Variants in CRACR2A observed in about 807,000 individuals in gnomAD.
The protein encoded by CRACR2A is EF-hand calcium-binding domain-containing protein 4B.
A neutral mutation model predicts 90.5 loss-of-function variants in CRACR2A; 79 were observed. The ratio of observed to expected loss-of-function variants is 0.87; its 90% CI spans 0.73 to 1.05. The LOEUF (loss-of-function observed/expected upper bound fraction) is 1.05. Among genes scored for constraint, CRACR2A ranks in the 50% least tolerant of loss-of-function variants. The probability of loss-of-function intolerance (pLI) is 0.00; values close to 1 mark genes in which losing one functional copy is unlikely to be tolerated. For missense variants in CRACR2A, 823 were observed against 897.2 expected, an observed-to-expected ratio of 0.92 and a Z score of 1.06; for synonymous variants, 338 against 356.7, an observed-to-expected ratio of 0.95 and a Z score of 0.59.
At chr12:3,671,041 C>T (rs902322123) in intron 7 of CRACR2A, among the ~76,000 whole-genome samples, 2 of 152,178 alleles carry the variant, frequency 1.3e-5, no homozygotes, top group Admixed American at 6.5e-5. Context: ...ATCTCAACAA[C>T]GTTTCGAGCA....
intron 2 of CRACR2A, among the ~76,000 whole-genome samples, chr12:3,719,412 G>C (rs530916955): frequency 2.0e-5 from 3 of 152,274 alleles, no homozygotes; most frequent in African/African-American, 7.2e-5. Flanking sequence ...CTAATGGTGT[G>C]CAGAGATAGG....
At position 3,644,129 on chromosome 12, in the gene CRACR2A, C is replaced by A. The variant is rs559152519; in HGVS notation, c.1164+466G>T. 2.1e-5 allele frequency among the ~76,000 whole-genome samples: 3 copies of A among 146,080 alleles called. No homozygotes were observed. The South Asian group carries it at 6.5e-4, about 32-fold the overall frequency. On this transcript the variant is annotated intron_variant, in intron 12 of 19. Transcript: ENST00000440314. ...ACTCAGGTATGGAAGAGTAGGGGTC[C>A]CTATAGGATAGAGAAAAATTGTTCA...
At chr12:3,705,547 A>T (rs1945903601) in intron 3 of CRACR2A, among the ~76,000 whole-genome samples, 1 of 152,232 alleles carries the variant, frequency 6.6e-6, no homozygotes, top group Non-Finnish European at 1.5e-5. Context: ...GCCAAAAAGC[A>T]TCTCCAGGAT....
intron 3 of CRACR2A, among the ~76,000 whole-genome samples, chr12:3,699,516 C>G (rs1481573247): frequency 6.6e-6 from 1 of 152,156 alleles, no homozygotes; most frequent in African/African-American, 2.4e-5. Context: ...TAGTAATCAA[C>G]TACTATTAAA....
chr12:3,751,255 A>G (rs1246467213), intron 1 of CRACR2A, among the ~76,000 whole-genome samples: 1 of 152,128 alleles, frequency 6.6e-6, no homozygotes, highest in African/African-American at 2.4e-5. Flanking sequence ...CACATGGCAG[A>G]TGACTTTTCC....
intron 6 of CRACR2A, among the ~76,000 whole-genome samples, chr12:3,676,485 G>A (rs759398640): frequency 2.6e-5 from 4 of 152,112 alleles, no homozygotes; most frequent in Non-Finnish European, 5.9e-5. Context: ...GATGGTGCCA[G>A]AAGATGAGGA....
chr12:3,706,260 G>A (rs1391435570), intron 3 of CRACR2A, among the ~76,000 whole-genome samples: 1 of 152,208 alleles, frequency 6.6e-6, no homozygotes, highest in African/African-American at 2.4e-5. Flanking sequence ...CCCTGATGGC[G>A]AGGAACAGAG....
intron 19 of CRACR2A, among the ~76,000 whole-genome samples, chr12:3,616,637 C>G (rs1867688661): frequency 6.6e-6 from 1 of 152,228 alleles, no homozygotes; most frequent in Admixed American, 6.5e-5. Context: ...TCTGATCTGG[C>G]CTTCCCCCAG....
At chr12:3,630,374 G>C (rs1944357512) in intron 15 of CRACR2A, among the ~76,000 whole-genome samples, 1 of 152,196 alleles carries the variant, frequency 6.6e-6, no homozygotes, top group South Asian at 2.1e-4. Context: ...TAAGGCAGGA[G>C]TGATGGGGAG....
In CRACR2A at chr12:3,666,333, G is replaced by GTGTGTGTGTT. The variant is rs1306497109; in HGVS notation, c.672-6680_672-6679insAACACACACA. The stretch of plus-strand genomic sequence containing the variant: ...GTCCCTCCCTAAAGGACGGCTGCGT[G>GTGTGTGTGTT]TGTGTGTGTGTGTGTGTGTGTGCGT... On this transcript the variant is annotated intron_variant, in intron 7 of 19. Transcript: ENST00000440314. Among the ~76,000 whole-genome samples the GTGTGTGTGTT allele has an allele frequency of 3.0e-3, 281 of 93,118 alleles. 1 individual carries two copies. Among genetic ancestry groups the GTGTGTGTGTT allele is most frequent in the East Asian group, 0.011 (12 of 1,134 alleles). The allele number at this position is 93,118 out of a possible 152,430, so 61.1% of individuals were successfully genotyped here.
At chr12:3,722,924 C>G (rs1946205658) in intron 2 of CRACR2A, among the ~76,000 whole-genome samples, 1 of 152,238 alleles carries the variant, frequency 6.6e-6, no homozygotes, top group Admixed American at 6.5e-5. Context: ...TACTCTTCAT[C>G]TATTTCCTTA....
intron 7 of CRACR2A, among the ~76,000 whole-genome samples, chr12:3,660,826 T>C (rs1301686035): frequency 7.4e-6 from 1 of 134,870 alleles, no homozygotes; most frequent in Non-Finnish European, 1.6e-5. Flanking sequence ...GTTCTGAACA[T>C]GCAACACACA....
intron 14 of CRACR2A, among the ~76,000 whole-genome samples, chr12:3,634,466 G>A (rs1047612883): frequency 5.9e-5 from 9 of 152,188 alleles, no homozygotes; most frequent in Non-Finnish European, 7.3e-5. Context: ...CCAGCAGAGG[G>A]AAACGGCTGG....
chr12:3,672,797 G>T, intron 7 of CRACR2A: 2 of 985,424 alleles, frequency 2.0e-6, no homozygotes, highest in Non-Finnish European at 2.4e-6. Context: ...AGGACTCTGG[G>T]TTGTTTCTAA....
At chr12:3,627,755 T>C in intron 15 of CRACR2A, 49 bp from the exon 16 acceptor site, 1 of 1,509,024 alleles carries the variant, frequency 6.6e-7, no homozygotes, top group South Asian at 1.2e-5. Flanking sequence ...CAGGGGCACC[T>C]CACTTCCAAA....
intron 4 of CRACR2A, among the ~76,000 whole-genome samples, chr12:3,695,928 C>T (rs2137696847): frequency 6.6e-6 from 1 of 152,376 alleles, no homozygotes; most frequent in Non-Finnish European, 1.5e-5. Flanking sequence ...AGTGGGCAAA[C>T]TCTGCCCCTG....
At chr12:3,744,571 T>C (rs1946580124) in intron 1 of CRACR2A, among the ~76,000 whole-genome samples, 1 of 152,214 alleles carries the variant, frequency 6.6e-6, no homozygotes, top group African/African-American at 2.4e-5. Context: ...GGGTGGGTGA[T>C]CATACTACCT....
chr12:3,621,660 A>C (rs1944139300), intron 17 of CRACR2A, among the ~76,000 whole-genome samples: 1 of 138,388 alleles, frequency 7.2e-6, no homozygotes, highest in Non-Finnish European at 1.6e-5. Flanking sequence ...AAAAAAAAAA[A>C]AAAAAAAAAA....
chr12:3,686,493 A>C (rs1591686755), intron 4 of CRACR2A, among the ~76,000 whole-genome samples: 1 of 152,152 alleles, frequency 6.6e-6, no homozygotes, highest in African/African-American at 2.4e-5. Flanking sequence ...GTTGGTAGAC[A>C]ATCCTTTTAC....
Sources: allele counts gnomAD v4.1 joint callset (sites outside exome capture counted in the v4.1 genomes callset), GRCh38; gene constraint gnomAD v4.1.1; transcripts MANE v1.5; gene names NCBI Gene and HGNC (gene_info 2026-07-23, HGNC 2026-07-21).